Variants in RNF157 observed in about 807,000 individuals in gnomAD.
RNF157 encodes the protein E3 ubiquitin ligase RNF157.
In RNF157, 55 loss-of-function variants were observed where a neutral mutation model predicts 88.3. That is an observed-to-expected ratio of 0.62 (90% CI 0.50 to 0.78). The LOEUF (loss-of-function observed/expected upper bound fraction) is 0.78, where lower values mean the gene tolerates loss of function less well. Ranked by LOEUF, RNF157 falls within the 30% of genes least tolerant of loss-of-function variation. The pLI, the probability that RNF157 is intolerant of heterozygous loss-of-function variation, is 0.00. For synonymous variants in RNF157, 334 were observed against 341.2 expected (o/e 0.98, Z 0.23); for missense variants, 788 against 860.8 (o/e 0.92, Z 1.06).
intron 1 of RNF157, chr17:76,226,433 G>C (rs2070087587): frequency 1.3e-6 from 2 of 1,597,866 alleles, no homozygotes; most frequent in South Asian, 2.2e-5. Flanking sequence ...CTGGACTAGG[G>C]GGGCAAAGAG....
intron 6 of RNF157, 70 bp from the exon 7 acceptor site, chr17:76,165,615 G>C: frequency 6.5e-7 from 1 of 1,542,400 alleles, no homozygotes; most frequent in Non-Finnish European, 9.0e-7. Context: ...ACTTTCTCCA[G>C]TTCCCTGCAA....
rs575974711 is a variant in RNF157, at chr17:76,160,407, C to T, written c.1066-834G>A. 2.2e-3 allele frequency among the ~76,000 whole-genome samples: 329 copies of T among 151,778 alleles called. 2 individuals carry two copies. Among genetic ancestry groups the T allele is most frequent in the Non-Finnish European group, 3.4e-3 (231 of 67,974 alleles). On this transcript the variant is annotated intron_variant, in intron 11 of 18. Coordinates refer to ENST00000269391, the MANE Select transcript of RNF157 (RefSeq NM_052916.3). This position sits in a 1 kb window ranked among gnomAD's most constrained non-coding sequence, Gnocchi z 4.3. ...TTTCAGTGCCTTTTCTAGTTACACT[C>T]CTATAAGTAATACAGAAGACCTATT...
intron 16 of RNF157, 116 bp from the exon 17 acceptor site, chr17:76,154,444 C>A: frequency 1.3e-6 from 1 of 747,874 alleles, no homozygotes; most frequent in South Asian, 1.5e-5. Context: ...ACGTTAATAG[C>A]ATATATTTCC....
At chr17:76,207,562 T>C (rs148472482) in intron 2 of RNF157, among the ~76,000 whole-genome samples, 3 of 152,400 alleles carry the variant, frequency 2.0e-5, no homozygotes, top group East Asian at 3.9e-4. Context: ...AGGAAGTCTA[T>C]GGCATTTATA....
intron 1 of RNF157, among the ~76,000 whole-genome samples, chr17:76,232,945 C>A (rs538140104): frequency 4.3e-4 from 65 of 150,422 alleles, no homozygotes; most frequent in Admixed American, 1.5e-3. Context: ...TTTTGAGACA[C>A]AGTCTTGCTC....
chr17:76,177,808 G>T (rs904172206), intron 2 of RNF157, among the ~76,000 whole-genome samples: 10 of 152,146 alleles, frequency 6.6e-5, no homozygotes, highest in African/African-American at 2.4e-4. Flanking sequence ...TAGCTGCAGA[G>T]ATGTCCATAA....
Position 76,157,187 on chromosome 17 carries a change from C to T in RNF157, c.1414-866G>A, listed in dbSNP as rs1182023889. 2.0e-5 allele frequency among the ~76,000 whole-genome samples: 3 copies of T among 152,166 alleles called. No individual in the cohort carries two copies. Among genetic ancestry groups the T allele is most frequent in the Non-Finnish European group, 4.4e-5 (3 of 68,016 alleles). ...TTCACCATGTTAGCCAGGATGGTCT[C>T]GATCTCCTGACCTCGTGATCCGCCC... On this transcript the variant is annotated intron_variant, in intron 13 of 18. Transcript: ENST00000269391. This position sits in a 1 kb window ranked among gnomAD's most constrained non-coding sequence, Gnocchi z 5.6.
intron 1 of RNF157, among the ~76,000 whole-genome samples, chr17:76,222,577 T>C (rs2070004740): frequency 6.6e-6 from 1 of 152,168 alleles, no homozygotes; most frequent in East Asian, 1.9e-4. Context: ...ATACAGAACT[T>C]TACCAAAATT....
intron 2 of RNF157, among the ~76,000 whole-genome samples, chr17:76,210,945 T>G (rs8070392): frequency 6.6e-6 from 1 of 151,892 alleles, no homozygotes; most frequent in Admixed American, 6.6e-5. Context: ...GCTGGGATTA[T>G]AGGGGTGTGC....
At chr17:76,233,462 A>G (rs1009860431) in intron 1 of RNF157, among the ~76,000 whole-genome samples, 1 of 152,134 alleles carries the variant, frequency 6.6e-6, no homozygotes, top group Non-Finnish European at 1.5e-5. Context: ...TCTTCGCCCA[A>G]TCCAAATCAA....
intron 1 of RNF157, among the ~76,000 whole-genome samples, chr17:76,228,544 T>A (rs150935683): frequency 2.9e-4 from 44 of 152,258 alleles, no homozygotes; most frequent in African/African-American, 9.6e-4. Flanking sequence ...ACTGGCTTCT[T>A]ACTTACCTCA....
chr17:76,169,614 C>CTG (rs2068982835), intron 3 of RNF157, among the ~76,000 whole-genome samples: 1 of 132,576 alleles, frequency 7.5e-6, no homozygotes, highest in South Asian at 2.4e-4. Flanking sequence ...AAGTCTTGAT[C>CTG]TGTCACCCAG....
chr17:76,211,486 A>C (rs773906899), intron 2 of RNF157, among the ~76,000 whole-genome samples: 2 of 152,236 alleles, frequency 1.3e-5, no homozygotes, highest in Non-Finnish European at 2.9e-5. Flanking sequence ...AACTTGCAGA[A>C]TATTTCAAGG....
At chr17:76,239,975 G>A (rs2070350158) in intron 1 of RNF157, among the ~76,000 whole-genome samples, 178 bp downstream of exon 1, 1 of 152,166 alleles carries the variant, frequency 6.6e-6, no homozygotes, top group Non-Finnish European at 1.5e-5. Context: ...GGGCTAATTC[G>A]CCCGGGGCGG....
intron 3 of RNF157, among the ~76,000 whole-genome samples, chr17:76,169,286 T>C (rs2068975950): frequency 6.6e-6 from 1 of 152,146 alleles, no homozygotes; most frequent in Non-Finnish European, 1.5e-5. Flanking sequence ...CTCCCTGTTT[T>C]TAATTTCTAA....
intron 17 of RNF157, among the ~76,000 whole-genome samples, chr17:76,152,952 A>C (rs185169136): frequency 6.6e-6 from 1 of 152,384 alleles, no homozygotes; most frequent in Non-Finnish European, 1.5e-5. Flanking sequence ...ATAATTTTGC[A>C]TATCAAATCA....
intron 2 of RNF157, among the ~76,000 whole-genome samples, chr17:76,201,586 T>C (rs925139221): frequency 1.3e-5 from 2 of 151,956 alleles, no homozygotes; most frequent in African/African-American, 4.8e-5. Context: ...ATCCCAAGAG[T>C]TACCATTGTT....
At chr17:76,184,988 T>C (rs1196228775) in intron 2 of RNF157, among the ~76,000 whole-genome samples, 1 of 152,244 alleles carries the variant, frequency 6.6e-6, no homozygotes, top group African/African-American at 2.4e-5. Context: ...CTGTTCACCT[T>C]AACAGGTGAT....
chr17:76,226,653 C>T (rs374455452), intron 1 of RNF157: 18 of 1,612,460 alleles, frequency 1.1e-5, no homozygotes, highest in South Asian at 2.2e-5. Flanking sequence ...TTAGCCTTGT[C>T]GCTGGAGAAC....
Sources: gnomAD v4.1 joint callset for allele counts (sites outside exome capture counted in the v4.1 genomes callset) on GRCh38, gnomAD v4.1.1 for gene constraint, Gnocchi (gnomAD v3.1) non-coding constraint, MANE v1.5 for transcripts, NCBI Gene and HGNC (gene_info 2026-07-23, HGNC 2026-07-21) for gene names.